Variants in CRTC1 observed in about 807,000 individuals in gnomAD.
CRTC1 encodes CREB-regulated transcription coactivator 1.
CRTC1 carries 18 observed loss-of-function variants against 66.1 expected under a neutral mutation model. The observed-to-expected ratio is 0.27, with a 90% CI of 0.19 to 0.40. The LOEUF (loss-of-function observed/expected upper bound fraction) is 0.40. Among genes scored for constraint, CRTC1 ranks in the 10% least tolerant of loss-of-function variants. The pLI, the probability that CRTC1 is intolerant of heterozygous loss-of-function variation, is 1.00. For missense variants in CRTC1, 669 were observed against 887.9 expected (o/e 0.75, Z 3.13); for synonymous variants, 416 against 398.8 (o/e 1.04, Z -0.51).
In CRTC1 at chr19:18,741,397, G is replaced by A. The variant is rs774348380; in HGVS notation, c.127-1513G>A. 6.6e-6 allele frequency among the ~76,000 whole-genome samples: 1 copy of A among 152,228 alleles called. No individual in the cohort carries two copies. The highest frequency in any genetic ancestry group is 6.5e-5 in the Admixed American group (1 of 15,280). Reference sequence around the variant, plus strand: ...ACACCCGCCTGTAGCACTCACTCTAGGTCGGGGACACAGGTCCAGGAGGGG... The same window carrying A: ...ACACCCGCCTGTAGCACTCACTCTAAGTCGGGGACACAGGTCCAGGAGGGG... On this transcript the variant is annotated intron_variant, in intron 1 of 13. Coordinates refer to ENST00000321949, the MANE Select transcript of CRTC1 (RefSeq NM_015321.3). This position sits in a 1 kb window ranked among gnomAD's most constrained non-coding sequence, Gnocchi z 4.2.
intron 1 of CRTC1, among the ~76,000 whole-genome samples, chr19:18,688,990 G>A (rs972052433): frequency 1.3e-5 from 2 of 152,054 alleles, no homozygotes; most frequent in African/African-American, 4.8e-5. Flanking sequence ...CTGTCACCCA[G>A]TCTGGAGTGC....
chr19:18,745,383 G>A (rs1191333878), intron 2 of CRTC1, among the ~76,000 whole-genome samples: 1 of 152,212 alleles, frequency 6.6e-6, no homozygotes, highest in Non-Finnish European at 1.5e-5. Flanking sequence ...CCCCTGGGCT[G>A]TCTCTTGGCA....
chr19:18,747,463 C>T (rs1299259653), intron 4 of CRTC1, among the ~76,000 whole-genome samples: 2 of 152,098 alleles, frequency 1.3e-5, no homozygotes, highest in Non-Finnish European at 2.9e-5. Context: ...ATGGTGAAAC[C>T]CCGTCTCTAC....
chr19:18,775,020 G>A, intron 12 of CRTC1, 34 bp downstream of exon 12: 1 of 1,589,070 alleles, frequency 6.3e-7, no homozygotes, highest in Non-Finnish European at 8.5e-7. Context: ...GCCGGCCGGT[G>A]CCCAGGACAG....
At chr19:18,747,291 G>C (rs990871374) in intron 4 of CRTC1, among the ~76,000 whole-genome samples, 177 bp downstream of exon 4, 3 of 152,072 alleles carry the variant, frequency 2.0e-5, no homozygotes, top group Non-Finnish European at 4.4e-5. Flanking sequence ...TCCAGCTTTG[G>C]GAGGTCTTCT....
chr19:18,733,596 A>T (rs2145688401), intron 1 of CRTC1, among the ~76,000 whole-genome samples: 1 of 152,294 alleles, frequency 6.6e-6, no homozygotes, highest in South Asian at 2.1e-4. Flanking sequence ...TGCTCTCATC[A>T]TCATTCCCTA....
At position 18,742,323 on chromosome 19, in the gene CRTC1, G is replaced by A. The variant is rs558429355; in HGVS notation, c.127-587G>A. On this transcript the variant is annotated intron_variant, in intron 1 of 13. Transcript: ENST00000321949. ...GCTGGGCCCAGCCCCCAAGAGGCTG[G>A]GAAGGACCATGAGGAAGGAACATGG... is the stretch of plus-strand genomic sequence containing the variant. Among the ~76,000 whole-genome samples the A allele has an allele frequency of 6.6e-5, 10 of 152,280 alleles. No individual in the cohort carries two copies. The East Asian group carries it at 1.7e-3, about 26-fold the overall frequency.
At chr19:18,698,986 C>T (rs1481277218) in intron 1 of CRTC1, among the ~76,000 whole-genome samples, 1 of 147,340 alleles carries the variant, frequency 6.8e-6, no homozygotes, top group Non-Finnish European at 1.5e-5. Context: ...GCAGGCGTAC[C>T]GTGTGTGCTC....
intron 1 of CRTC1, among the ~76,000 whole-genome samples, chr19:18,728,617 C>T (rs546676349): frequency 2.6e-5 from 4 of 151,796 alleles, no homozygotes; most frequent in Admixed American, 2.0e-4. Context: ...GTGACTCTCC[C>T]GCCTCAGCCT....
chr19:18,750,809 A>C (rs577186595), intron 5 of CRTC1, among the ~76,000 whole-genome samples: 1 of 152,218 alleles, frequency 6.6e-6, no homozygotes, highest in Non-Finnish European at 1.5e-5. Context: ...GAATGTCTCC[A>C]TAATGAAAAT....
rs1250256853 is a variant in CRTC1 at position 18,777,971 on chromosome 19, GCA to G, written c.*596_*597del. On this transcript the variant is annotated 3_prime_UTR_variant, in exon 14 of 14. Coordinates refer to ENST00000321949, the MANE Select transcript of CRTC1 (RefSeq NM_015321.3). The surrounding 1 kb of genome is among the most constrained non-coding windows in gnomAD (Gnocchi z 5.5). Reference sequence around the variant, plus strand: ...TGACGGCTGTCTTTTATATTTCTGAGCACACACAGAGCCCTGGCGTCCACCGG... The same window carrying G: ...TGACGGCTGTCTTTTATATTTCTGAGCACACAGAGCCCTGGCGTCCACCGG... 1 of 243,566 alleles carries G rather than the reference GCA, an allele frequency of 4.1e-6. No individual in the cohort carries two copies. The highest frequency in any genetic ancestry group is 7.9e-6 in the Non-Finnish European group (1 of 126,086). The allele number at this position is 243,566 out of a possible 1,614,324, so 15.1% of individuals were successfully genotyped here. A position where few individuals can be genotyped will look rare whatever the true frequency, so the allele number is the denominator to read the frequency against.
In CRTC1 at chr19:18,768,889, C is replaced by CA. The variant is rs746481483; in HGVS notation, c.1320+97dup. ...CAGTCGGGTTACCTGCTGCATGGGC[C>CA]AGGGGTCAGAACCCCAGCGAACGCT... is the stretch of plus-strand genomic sequence containing the variant. On this transcript the variant is annotated intron_variant, in intron 10 of 13. Transcript: ENST00000321949. The surrounding 1 kb of genome is among the most constrained non-coding windows in gnomAD (Gnocchi z 5.6). The CA allele has an allele frequency of 1.3e-4, 186 of 1,446,454 alleles. No homozygotes were observed. The highest frequency in any genetic ancestry group is 1.6e-4 in the Non-Finnish European group (176 of 1,089,884). 89.6% of individuals were successfully genotyped at this position (1,446,454 alleles called of 1,614,324 possible). A position where few individuals can be genotyped will look rare whatever the true frequency, so the allele number is the denominator to read the frequency against.
At chr19:18,702,892 T>C (rs1171229109) in intron 1 of CRTC1, among the ~76,000 whole-genome samples, 2 of 152,120 alleles carry the variant, frequency 1.3e-5, no homozygotes, top group Non-Finnish European at 2.9e-5. Flanking sequence ...GTTTCCCACA[T>C]TGTGAACATC....
intron 4 of CRTC1, among the ~76,000 whole-genome samples, chr19:18,749,379 C>G (rs928000074): frequency 2.0e-5 from 3 of 152,184 alleles, no homozygotes; most frequent in African/African-American, 4.8e-5. Context: ...GGCTCATACC[C>G]CAAGGCTGGG....
At position 18,741,725 on chromosome 19, in the gene CRTC1, G is replaced by T. The variant is rs763505570; in HGVS notation, c.127-1185G>T. Among the ~76,000 whole-genome samples the T allele has an allele frequency of 1.3e-5, 2 of 152,134 alleles. No homozygotes were observed. The highest frequency in any genetic ancestry group is 2.9e-5 in the Non-Finnish European group (2 of 68,006). On this transcript the variant is annotated intron_variant, in intron 1 of 13. Transcript: ENST00000321949. This position sits in a 1 kb window ranked among gnomAD's most constrained non-coding sequence, Gnocchi z 4.2. ...CACAGACCCTGGGCCTCACCCCCAG[G>T]CCCTCGAGAGCCACCCAATAACACA... is the stretch of plus-strand genomic sequence containing the variant.
At chr19:18,745,638 C>G (rs1158783846) in intron 2 of CRTC1, among the ~76,000 whole-genome samples, 185 bp from the exon 3 acceptor site, 1 of 152,202 alleles carries the variant, frequency 6.6e-6, no homozygotes, top group Non-Finnish European at 1.5e-5. Flanking sequence ...TCCCTACCCC[C>G]CAGTGCTTGG....
intron 1 of CRTC1, among the ~76,000 whole-genome samples, chr19:18,716,585 G>A (rs1345983748): frequency 6.6e-6 from 1 of 152,194 alleles, no homozygotes; most frequent in Non-Finnish European, 1.5e-5. Context: ...GTGCAGCCCA[G>A]CAAGCATTAG....
chr19:18,773,954 A>G (rs2054927051), intron 11 of CRTC1, among the ~76,000 whole-genome samples: 1 of 152,162 alleles, frequency 6.6e-6, no homozygotes, highest in South Asian at 2.1e-4. Context: ...GGGGAGCTCC[A>G]AGGGAGAGGG....
At chr19:18,709,281 C>T (rs2053335798) in intron 1 of CRTC1, among the ~76,000 whole-genome samples, 2 of 152,174 alleles carry the variant, frequency 1.3e-5, no homozygotes, top group Admixed American at 1.3e-4. Context: ...ACCACCTTTC[C>T]CCTCACCTGG....
Sources: gnomAD v4.1 joint callset for allele counts (sites outside exome capture counted in the v4.1 genomes callset) on GRCh38, gnomAD v4.1.1 for gene constraint, Gnocchi (gnomAD v3.1) non-coding constraint, MANE v1.5 for transcripts, NCBI Gene and HGNC (gene_info 2026-07-23, HGNC 2026-07-21) for gene names.